The following BNC2 variants were observed in gnomAD, a reference collection of about 807,000 sequenced individuals.
The protein encoded by BNC2 is basonuclin zinc finger protein 2.
In BNC2, 20 loss-of-function variants were observed where a neutral mutation model predicts 76.3. That is an observed-to-expected ratio of 0.26 (90% CI 0.18 to 0.38). The LOEUF (loss-of-function observed/expected upper bound fraction) is 0.38, where lower values mean the gene tolerates loss of function less well. Among genes scored for constraint, BNC2 ranks in the 10% least tolerant of loss-of-function variants. BNC2 has a pLI of 1.00. For synonymous variants in BNC2, 582 were observed against 514.8 expected (o/e 1.13, Z -1.77); for missense variants, 1,382 against 1,399.8 (o/e 0.99, Z 0.20).
intron 5 of BNC2, among the ~76,000 whole-genome samples, chr9:16,456,170 A>C (rs1821444050): frequency 6.6e-6 from 1 of 152,152 alleles, no homozygotes; most frequent in Admixed American, 6.5e-5. Context: ...AAATTTCACT[A>C]ATGAAAAGAA....
In BNC2 at chr9:16,650,895, T is replaced by C. The variant is rs538467336; in HGVS notation, c.331-67810A>G. Reference sequence around the variant, plus strand: ...TGTGTAAGTTTTGTAAATATTGACATGTGCTATACGTAATGCAAAATATTT... The same window carrying C: ...TGTGTAAGTTTTGTAAATATTGACACGTGCTATACGTAATGCAAAATATTT... On this transcript the variant is annotated intron_variant, in intron 3 of 6. Coordinates refer to ENST00000380672, the MANE Select transcript of BNC2 (RefSeq NM_017637.6). Among the ~76,000 whole-genome samples, 21 of 152,352 alleles carry C rather than the reference T, an allele frequency of 1.4e-4. No homozygotes were observed. The Middle Eastern group carries it at 0.01, about 74-fold the overall frequency.
chr9:16,446,970 T>C lies in BNC2; in HGVS notation c.670-9446A>G, dbSNP rs541526565. Reference sequence around the variant, plus strand: ...ATAAAGCAGGTGCCTTGCTTTGCCATATTAAAAAAATTCAAAGGAGTAAAT... The same window carrying C: ...ATAAAGCAGGTGCCTTGCTTTGCCACATTAAAAAAATTCAAAGGAGTAAAT... On this transcript the variant is annotated intron_variant, in intron 5 of 6. Transcript: ENST00000380672. 5.9e-5 allele frequency among the ~76,000 whole-genome samples: 9 copies of C among 152,272 alleles called. No homozygotes were observed. The South Asian group carries it at 1.9e-3, about 32-fold the overall frequency.
chr9:16,620,485 C>A (rs534360440), intron 3 of BNC2, among the ~76,000 whole-genome samples: 4 of 152,146 alleles, frequency 2.6e-5, no homozygotes, highest in Non-Finnish European at 4.4e-5. Context: ...AATTCTGCCA[C>A]CATCTGATAT....
chr9:16,528,618 G>T (rs1034378683), intron 5 of BNC2, among the ~76,000 whole-genome samples: 4 of 152,178 alleles, frequency 2.6e-5, no homozygotes, highest in Non-Finnish European at 4.4e-5. Flanking sequence ...CCTACATAAT[G>T]ACCTGGCAAT....
intron 5 of BNC2, among the ~76,000 whole-genome samples, chr9:16,546,102 G>C (rs1818473776): frequency 6.6e-6 from 1 of 152,126 alleles, no homozygotes; most frequent in African/African-American, 2.4e-5. Context: ...TTTAGCAACT[G>C]ATATTTCTCT....
chr9:16,852,721 T>A (rs953628680), intron 1 of BNC2, among the ~76,000 whole-genome samples: 2 of 151,472 alleles, frequency 1.3e-5, no homozygotes, highest in Non-Finnish European at 2.9e-5. Flanking sequence ...GGAGGGAAGG[T>A]TGGCAGGAAG....
At chr9:16,742,210 C>T (rs971650056) in intron 1 of BNC2, among the ~76,000 whole-genome samples, 1 of 152,122 alleles carries the variant, frequency 6.6e-6, no homozygotes, top group East Asian at 1.9e-4. Flanking sequence ...CCAAAGCCAA[C>T]AAAAATCAAA....
At chr9:16,610,588 A>G (rs1820517114) in intron 3 of BNC2, among the ~76,000 whole-genome samples, 1 of 152,174 alleles carries the variant, frequency 6.6e-6, no homozygotes, top group African/African-American at 2.4e-5. Context: ...TGAAGAAAAT[A>G]CAAAGTAGAT....
At chr9:16,690,003 G>A (rs1230803939) in intron 3 of BNC2, among the ~76,000 whole-genome samples, 2 of 152,190 alleles carry the variant, frequency 1.3e-5, no homozygotes, top group Non-Finnish European at 2.9e-5. Context: ...AACACAGGAA[G>A]GTGAGCTACG....
At chr9:16,647,756 G>A (rs1304309224) in intron 3 of BNC2, among the ~76,000 whole-genome samples, 1 of 152,038 alleles carries the variant, frequency 6.6e-6, no homozygotes, top group African/African-American at 2.4e-5. Flanking sequence ...GTACAATACT[G>A]CTCACTAGAA....
At chr9:16,493,034 G>C (rs1452604665) in intron 5 of BNC2, among the ~76,000 whole-genome samples, 1 of 152,144 alleles carries the variant, frequency 6.6e-6, no homozygotes, top group Non-Finnish European at 1.5e-5. Flanking sequence ...AACAGACTTA[G>C]AGCTCCCCTG....
chr9:16,786,607 G>C (rs1201186677), intron 1 of BNC2, among the ~76,000 whole-genome samples: 1 of 152,134 alleles, frequency 6.6e-6, no homozygotes, highest in Non-Finnish European at 1.5e-5. Context: ...CATATAATCA[G>C]GGTTCCATGA....
intron 1 of BNC2, among the ~76,000 whole-genome samples, chr9:16,757,492 G>T (rs1233518951): frequency 6.6e-6 from 1 of 152,170 alleles, no homozygotes; most frequent in Non-Finnish European, 1.5e-5. Context: ...GAACATGACA[G>T]AAATCGAAAT....
chr9:16,723,002 A>G (rs1824207391), intron 3 of BNC2, among the ~76,000 whole-genome samples: 1 of 152,220 alleles, frequency 6.6e-6, no homozygotes, highest in Non-Finnish European at 1.5e-5. Flanking sequence ...ATTTGAATAT[A>G]TGTCTATTGT....
chr9:16,497,243 A>C (rs1212044985), intron 5 of BNC2, among the ~76,000 whole-genome samples: 1 of 152,218 alleles, frequency 6.6e-6, no homozygotes, highest in Non-Finnish European at 1.5e-5. Flanking sequence ...ATGTAGGCCT[A>C]ATTTCTAGAT....
chr9:16,423,972 G>A (rs1820756492), intron 6 of BNC2, among the ~76,000 whole-genome samples: 1 of 152,274 alleles, frequency 6.6e-6, no homozygotes, highest in South Asian at 2.1e-4. Flanking sequence ...TCTTTGAAAT[G>A]CTGAGTGGAA....
At chr9:16,829,931 A>G (rs1174197717) in intron 1 of BNC2, among the ~76,000 whole-genome samples, 1 of 152,240 alleles carries the variant, frequency 6.6e-6, no homozygotes, top group Non-Finnish European at 1.5e-5. Context: ...CTACTTGTGC[A>G]TGAATCCACC....
chr9:16,759,938 C>T (rs10756810), intron 1 of BNC2, among the ~76,000 whole-genome samples: 14,621 of 152,106 alleles, frequency 0.096, 873 homozygotes, highest in Admixed American at 0.19. Flanking sequence ...TTAGCCAGGA[C>T]GGTCTGGATT....
chr9:16,675,285 C>T (rs1256104354), intron 3 of BNC2, among the ~76,000 whole-genome samples: 1 of 151,976 alleles, frequency 6.6e-6, no homozygotes, highest in African/African-American at 2.4e-5. Context: ...ACTGTGTCAC[C>T]CAGGCTGGAG....
Sources: gnomAD v4.1 joint callset for allele counts (sites outside exome capture counted in the v4.1 genomes callset) on GRCh38, gnomAD v4.1.1 for gene constraint, MANE v1.5 for transcripts, NCBI Gene and HGNC (gene_info 2026-07-23, HGNC 2026-07-21) for gene names.